Variants in HMCN1 observed in about 807,000 individuals in gnomAD.
The protein encoded by HMCN1 is hemicentin 1, also known as hemicentin-1.
Under a neutral mutation model 625.9 loss-of-function variants are expected in HMCN1, and 321 were observed. That is an observed-to-expected ratio of 0.51 (90% CI 0.47 to 0.56). The LOEUF (loss-of-function observed/expected upper bound fraction) is 0.56, where lower values mean the gene tolerates loss of function less well. Ranked by LOEUF, HMCN1 falls within the 20% of genes least tolerant of loss-of-function variation. The pLI, the probability that HMCN1 is intolerant of heterozygous loss-of-function variation, is 0.00. For synonymous variants in HMCN1, 2,425 were observed against 2,417.6 expected, an observed-to-expected ratio of 1.00 and a Z score of -0.09; for missense variants, 6,588 against 6,887.3, an observed-to-expected ratio of 0.96 and a Z score of 1.54.
chr1:185,812,922 T>G (rs1170715104), intron 1 of HMCN1, among the ~76,000 whole-genome samples: 1 of 152,156 alleles, frequency 6.6e-6, no homozygotes, highest in Non-Finnish European at 1.5e-5. Context: ...ATAATACTGT[T>G]TTACAAAGAT....
intron 46 of HMCN1, among the ~76,000 whole-genome samples, chr1:186,058,976 T>C (rs915050388): frequency 6.6e-6 from 1 of 152,086 alleles, no homozygotes; most frequent in African/African-American, 2.4e-5. Flanking sequence ...TACTTAACTT[T>C]GCTAACTTCA....
intron 91 of HMCN1, 53 bp downstream of exon 91, chr1:186,144,756 G>T: frequency 1.3e-6 from 2 of 1,593,040 alleles, no homozygotes; most frequent in South Asian, 2.2e-5. Context: ...GTTTCATTAT[G>T]ACTGTAATTC....
intron 16 of HMCN1, among the ~76,000 whole-genome samples, chr1:185,980,175 A>T (rs1215747461): frequency 6.6e-6 from 1 of 152,232 alleles, no homozygotes; most frequent in Non-Finnish European, 1.5e-5. Context: ...TTATACTAAA[A>T]TAATGCATAT....
At chr1:185,781,647 G>A (rs1657116803) in intron 1 of HMCN1, among the ~76,000 whole-genome samples, 2 of 152,188 alleles carry the variant, frequency 1.3e-5, no homozygotes, top group African/African-American at 2.4e-5. Context: ...TTTCCATGTA[G>A]TTGAGCCATT....
chr1:185,782,437 A>G (rs563802863), intron 1 of HMCN1, among the ~76,000 whole-genome samples: 1 of 152,292 alleles, frequency 6.6e-6, no homozygotes, highest in East Asian at 1.9e-4. Context: ...GATTCTTCCT[A>G]GCCTTGATGG....
At chr1:185,951,146 G>GT (rs1668641560) in intron 11 of HMCN1, among the ~76,000 whole-genome samples, 1 of 151,146 alleles carries the variant, frequency 6.6e-6, no homozygotes, top group African/African-American at 2.5e-5. Context: ...GTGGGTTAAG[G>GT]TGGGGGGATA....
intron 39 of HMCN1, among the ~76,000 whole-genome samples, chr1:186,040,537 A>G (rs1160001134): frequency 5.9e-5 from 9 of 152,172 alleles, no homozygotes; most frequent in Non-Finnish European, 1.3e-4. Flanking sequence ...ATCATAGAAG[A>G]TCCAGAGTTA....
At position 186,062,469 on chromosome 1, in the gene HMCN1, T is replaced by C. The variant is rs758716703; in HGVS notation, c.7427-45T>C. The C allele has an allele frequency of 5.2e-6, 6 of 1,151,620 alleles. No homozygotes were observed. In the South Asian group the frequency reaches 7.4e-5, roughly 14 times the overall value. The allele number at this position is 1,151,620 out of a possible 1,614,324, so 71.3% of individuals were successfully genotyped here. A position where few individuals can be genotyped will look rare whatever the true frequency, so the allele number is the denominator to read the frequency against. Reference sequence around the variant, plus strand: ...ACATAAATATCTATAAAATAGCAGCTTTGCTGTTAAGAGCTGTTATTTTGT... The same window carrying C: ...ACATAAATATCTATAAAATAGCAGCCTTGCTGTTAAGAGCTGTTATTTTGT... On this transcript the variant is annotated intron_variant, in intron 47 of 106. Coordinates refer to ENST00000271588, the MANE Select transcript of HMCN1 (RefSeq NM_031935.3).
chr1:185,940,457 G>C (rs1668024590), intron 11 of HMCN1, among the ~76,000 whole-genome samples: 1 of 152,100 alleles, frequency 6.6e-6, no homozygotes, highest in African/African-American at 2.4e-5. Flanking sequence ...TAACTTGCTT[G>C]TGCAGGATAT....
chr1:185,999,190 G>A (rs904142610), intron 25 of HMCN1, among the ~76,000 whole-genome samples: 2 of 151,554 alleles, frequency 1.3e-5, no homozygotes, highest in Non-Finnish European at 2.9e-5. Flanking sequence ...TTTAATACAG[G>A]ATTATTAACA....
intron 105 of HMCN1, among the ~76,000 whole-genome samples, chr1:186,186,296 G>T (rs910920730): frequency 6.6e-6 from 1 of 152,156 alleles, no homozygotes; most frequent in Non-Finnish European, 1.5e-5. Flanking sequence ...GGAGGCCGAG[G>T]TGGGTGGATC....
chr1:186,018,409 ATTATCT>A, intron 34 of HMCN1, 57 bp downstream of exon 34: 1 of 1,423,718 alleles, frequency 7.0e-7, no homozygotes, highest in Non-Finnish European at 9.9e-7. Flanking sequence ...GCATTGTTTT[ATTATCT>A]AACTCAGATT....
chr1:186,081,370 T>G lies in HMCN1; in HGVS notation c.8763T>G (p.Phe2921Leu). 2 of 1,613,424 alleles carry G rather than the reference T, an allele frequency of 1.2e-6. No individual in the cohort carries two copies. Among genetic ancestry groups the G allele is most frequent in the South Asian group, 2.2e-5 (2 of 91,046 alleles). The part of the protein sequence containing the change: ...QPLLEDDHHK[F>L]LSNGRILQIL... ...TGCTAGAAGATGACCATCATAAATT[T>G]CTATCTAATGGACGAATTCTGCAGG... Residue 2921 changes from phenylalanine (F) to leucine (L), a missense_variant, in exon 56 of 107, where the codon TTT becomes TTG. Phe to Leu is a conservative substitution (Grantham distance 22). Around this residue, in one of 3 missense-constraint regions of HMCN1, gnomAD observed 4,628 missense variants for 4,853.1 expected, o/e 0.95. Coordinates refer to ENST00000271588, the MANE Select transcript of HMCN1 (RefSeq NM_031935.3).
chr1:186,054,420 G>A (rs565816347), intron 44 of HMCN1, among the ~76,000 whole-genome samples: 55 of 151,964 alleles, frequency 3.6e-4, no homozygotes, highest in South Asian at 6.2e-4. Context: ...CAAAACTGTC[G>A]CCTCCATTTT....
intron 1 of HMCN1, among the ~76,000 whole-genome samples, chr1:185,825,867 T>C (rs1660481540): frequency 6.6e-6 from 1 of 152,164 alleles, no homozygotes; most frequent in African/African-American, 2.4e-5. Flanking sequence ...ATATTACTAG[T>C]GGTTTAAAAA....
chr1:185,751,234 T>A (rs1176303774), intron 1 of HMCN1, among the ~76,000 whole-genome samples: 2 of 152,178 alleles, frequency 1.3e-5, no homozygotes, highest in African/African-American at 2.4e-5. Flanking sequence ...CCTTTTGGTC[T>A]TTATTTGAGA....
chr1:185,947,304 C>G (rs1267346186), intron 11 of HMCN1, among the ~76,000 whole-genome samples: 1 of 151,954 alleles, frequency 6.6e-6, no homozygotes, highest in Non-Finnish European at 1.5e-5. Flanking sequence ...CAATTGAACA[C>G]TTGAAATATG....
At chr1:185,868,194 G>A (rs1295507540) in intron 4 of HMCN1, among the ~76,000 whole-genome samples, 1 of 152,104 alleles carries the variant, frequency 6.6e-6, no homozygotes, top group East Asian at 1.9e-4. Flanking sequence ...CTGGGAATGT[G>A]ACTCCATTTA....
At chr1:186,165,836 T>A (rs985614960) in intron 98 of HMCN1, among the ~76,000 whole-genome samples, 2 of 152,232 alleles carry the variant, frequency 1.3e-5, no homozygotes, top group Non-Finnish European at 2.9e-5. Flanking sequence ...CTCAGTTTTG[T>A]CCTGCAAAAT....
Sources: gnomAD v4.1 joint callset for allele counts (sites outside exome capture counted in the v4.1 genomes callset) on GRCh38, gnomAD v4.1.1 for gene constraint, gnomAD v4.1.1 regional missense constraint, MANE v1.5 for transcripts, NCBI Gene and HGNC (gene_info 2026-07-23, HGNC 2026-07-21) for gene names.